Variants in RBFOX1 observed in about 807,000 individuals in gnomAD.
RBFOX1 encodes the protein RNA binding fox-1 homolog 1, also known as RNA binding protein fox-1 homolog 1.
A neutral mutation model predicts 57.7 loss-of-function variants in RBFOX1; 8 were observed. That is an observed-to-expected ratio of 0.14 (90% CI 0.08 to 0.25). The LOEUF (loss-of-function observed/expected upper bound fraction) is 0.25. Among genes scored for constraint, RBFOX1 ranks in the 10% least tolerant of loss-of-function variants. The pLI is 1.00. For synonymous variants in RBFOX1, 326 were observed against 222.4 expected, an observed-to-expected ratio of 1.47 and a Z score of -4.15; for missense variants, 611 against 548.5, an observed-to-expected ratio of 1.11 and a Z score of -1.14.
At chr16:6,015,297 C>G (rs563888857), upstream of RBFOX1, among the ~76,000 whole-genome samples, 1 of 152,222 alleles carries the variant, frequency 6.6e-6, no homozygotes, top group South Asian at 2.1e-4. Context: ...CTGGAATTCA[C>G]TGGATGTTTA....
At chr16:6,234,085 T>G (rs1266940421) in intron 1 of RBFOX1, among the ~76,000 whole-genome samples, 1 of 152,184 alleles carries the variant, frequency 6.6e-6, no homozygotes, top group Non-Finnish European at 1.5e-5. Flanking sequence ...AAAGCTTCTT[T>G]TATAAGAGCA....
At chr16:7,087,922 C>G (rs2060237336) in intron 4 of RBFOX1, among the ~76,000 whole-genome samples, 1 of 152,074 alleles carries the variant, frequency 6.6e-6, no homozygotes. Context: ...CTCTCTCTTT[C>G]TCTCTGATTA....
At chr16:5,581,740 A>G (rs1259460628) in intron 2 of RBFOX1, among the ~76,000 whole-genome samples, 2 of 152,184 alleles carry the variant, frequency 1.3e-5, no homozygotes, top group Non-Finnish European at 2.9e-5. Context: ...GAAACACTGT[A>G]TAGTTGCAGC....
intron 4 of RBFOX1, among the ~76,000 whole-genome samples, chr16:7,385,961 T>TATTTATTTA (rs112997142): frequency 2.0e-5 from 2 of 102,464 alleles, no homozygotes; most frequent in Non-Finnish European, 4.3e-5. Flanking sequence ...TTTATTTATT[T>TATTTATTTA]TTTATTTTTA....
chr16:6,287,364 G>A (rs1172538847), intron 1 of RBFOX1, among the ~76,000 whole-genome samples: 1 of 152,104 alleles, frequency 6.6e-6, no homozygotes, highest in Non-Finnish European at 1.5e-5. Context: ...TTCCCAGTAG[G>A]AAACAAACTT....
At chr16:6,265,578 T>C (rs950079430) in intron 1 of RBFOX1, among the ~76,000 whole-genome samples, 13 of 152,104 alleles carry the variant, frequency 8.5e-5, no homozygotes, top group Non-Finnish European at 1.6e-4. Context: ...ACATTTTGCA[T>C]AGCTTACAAC....
intron 1 of RBFOX1, among the ~76,000 whole-genome samples, chr16:5,385,649 A>G (rs1276761887): frequency 6.6e-6 from 1 of 152,162 alleles, no homozygotes; most frequent in Non-Finnish European, 1.5e-5. Context: ...AAGGTTCTTC[A>G]TCACTCCATC....
chr16:5,669,453 T>A (rs1291700424), intron 3 of RBFOX1, among the ~76,000 whole-genome samples: 1 of 139,190 alleles, frequency 7.2e-6, no homozygotes, highest in Non-Finnish European at 1.5e-5. Context: ...AGACAGAGTC[T>A]CGTTCTGTTA....
At chr16:5,631,667 A>G (rs189360565) in intron 3 of RBFOX1, among the ~76,000 whole-genome samples, 25 of 152,144 alleles carry the variant, frequency 1.6e-4, no homozygotes, top group Admixed American at 3.9e-4. Context: ...CCCACCTCCT[A>G]GAACGGAAGC....
At position 6,926,139 on chromosome 16, in the gene RBFOX1, C is replaced by G. The variant is rs148363849; in HGVS notation, c.-15-125918C>G. ...TGGCCAACATGATGAAACCCTGTCT[C>G]TACTAAAAATACAAAAAACTAGCTG... On this transcript the variant is annotated intron_variant, in intron 3 of 15. Coordinates refer to ENST00000550418, the MANE Select transcript of RBFOX1 (RefSeq NM_018723.4). 0.013 allele frequency among the ~76,000 whole-genome samples: 2,011 copies of G among 151,976 alleles called. 75 individuals are homozygous for G. The East Asian group carries it at 0.14, about 11-fold the overall frequency.
At chr16:6,626,970 T>G (rs115365980) in intron 2 of RBFOX1, among the ~76,000 whole-genome samples, 2 of 152,174 alleles carry the variant, frequency 1.3e-5, no homozygotes, top group South Asian at 2.1e-4. Context: ...TTATCCTCCA[T>G]GCACAGTTTA....
At chr16:6,224,157 T>C (rs1332632054) in intron 1 of RBFOX1, among the ~76,000 whole-genome samples, 1 of 152,120 alleles carries the variant, frequency 6.6e-6, no homozygotes, top group African/African-American at 2.4e-5. Flanking sequence ...CTTTGTTCTT[T>C]TGGCTTAGGA....
intron 4 of RBFOX1, among the ~76,000 whole-genome samples, chr16:7,086,234 C>G (rs1221766155): frequency 6.6e-6 from 1 of 152,136 alleles, no homozygotes; most frequent in African/African-American, 2.4e-5. Context: ...GACATTTTGC[C>G]ATGCGCAGTT....
chr16:5,243,749 C>A (rs928262140), intron 1 of RBFOX1, among the ~76,000 whole-genome samples: 28 of 152,028 alleles, frequency 1.8e-4, no homozygotes, highest in African/African-American at 6.5e-4. Flanking sequence ...ATGAGCCATG[C>A]GGTCTTGGAA....
chr16:7,616,405 A>T (rs9925434), intron 10 of RBFOX1, among the ~76,000 whole-genome samples: 14 of 151,864 alleles, frequency 9.2e-5, no homozygotes, highest in African/African-American at 2.4e-4. Flanking sequence ...GTTAGTGGTT[A>T]CTCACATAGG....
At chr16:5,614,003 A>G (rs894416276) in intron 3 of RBFOX1, among the ~76,000 whole-genome samples, 5 of 151,216 alleles carry the variant, frequency 3.3e-5, no homozygotes, top group Admixed American at 6.6e-5. Context: ...CACTTCTCTC[A>G]ATGGGGCTGT....
intron 3 of RBFOX1, among the ~76,000 whole-genome samples, chr16:5,636,584 A>C (rs2048693364): frequency 6.6e-6 from 1 of 152,188 alleles, no homozygotes; most frequent in South Asian, 2.1e-4. Flanking sequence ...TCAAGATTTT[A>C]TTGGCTCATG....
intron 2 of RBFOX1, among the ~76,000 whole-genome samples, chr16:5,539,764 A>C (rs1220112219): frequency 6.6e-6 from 1 of 152,176 alleles, no homozygotes; most frequent in Admixed American, 6.5e-5. Context: ...TATGAAAGAA[A>C]CTAAAATTCT....
At chr16:5,550,328 T>A (rs1206765496) in intron 2 of RBFOX1, among the ~76,000 whole-genome samples, 2 of 152,156 alleles carry the variant, frequency 1.3e-5, no homozygotes, top group Non-Finnish European at 2.9e-5. Context: ...CATGTTTCCC[T>A]GTCTTACCCA....
Sources: allele counts gnomAD v4.1 joint callset (sites outside exome capture counted in the v4.1 genomes callset), GRCh38; gene constraint gnomAD v4.1.1; transcripts MANE v1.5; gene names NCBI Gene and HGNC (gene_info 2026-07-23, HGNC 2026-07-21).